The following WDPCP variants were observed in gnomAD, a reference collection of about 807,000 sequenced individuals.
WDPCP encodes the protein WD repeat-containing and planar cell polarity effector protein fritz homolog.
Under a neutral mutation model 93.1 loss-of-function variants are expected in WDPCP, and 71 were observed. That is an observed-to-expected ratio of 0.76 (90% CI 0.63 to 0.93). The LOEUF (loss-of-function observed/expected upper bound fraction) is 0.93. Ranked by LOEUF, WDPCP falls within the 40% of genes least tolerant of loss-of-function variation. WDPCP has a pLI of 0.00. For missense variants in WDPCP, 844 were observed against 887.4 expected (o/e 0.95, Z 0.62); for synonymous variants, 315 against 315.0 (o/e 1.00, Z 0.00).
intron 2 of WDPCP, among the ~76,000 whole-genome samples, chr2:63,809,787 G>A (rs1032674214): frequency 3.1e-4 from 47 of 151,964 alleles, no homozygotes; most frequent in Non-Finnish European, 1.5e-4. Flanking sequence ...AAGGCCGCAG[G>A]GTCCTCTGCC....
chr2:63,485,363 A>G lies in WDPCP; in HGVS notation c.254-376T>C, dbSNP rs556850939. The stretch of plus-strand genomic sequence containing the variant: ...TTCTACAAGTAACCTACTCAGACCT[A>G]AAAAAAAAAAAAAATTATCATGAGT... On this transcript the variant is annotated intron_variant, in intron 4 of 17. Transcript: ENST00000272321. 2.5e-3 allele frequency among the ~76,000 whole-genome samples: 220 copies of G among 87,436 alleles called. 2 individuals carry two copies. The East Asian group carries it at 0.039, about 15-fold the overall frequency. The allele number at this position is 87,436 out of a possible 152,430, so 57.4% of individuals were successfully genotyped here. A position where few individuals can be genotyped will look rare whatever the true frequency, so the allele number is the denominator to read the frequency against.
chr2:63,420,364 A>AAAAAAAAC (rs1304445488), intron 9 of WDPCP, among the ~76,000 whole-genome samples: 3,509 of 150,030 alleles, frequency 0.023, 171 homozygotes, highest in African/African-American at 0.082. Flanking sequence ...CTTTACTTAA[A>AAAAAAAAC]AAAAAAAAAA....
intron 14 of WDPCP, among the ~76,000 whole-genome samples, chr2:63,240,773 A>G (rs1258482053): frequency 6.6e-6 from 1 of 152,156 alleles, no homozygotes. Flanking sequence ...GAGGTTTGAG[A>G]CTTTCAACTC....
At chr2:63,513,288 C>A (rs1051226403) in intron 1 of WDPCP, among the ~76,000 whole-genome samples, 4 of 151,990 alleles carry the variant, frequency 2.6e-5, no homozygotes, top group Non-Finnish European at 5.9e-5. Flanking sequence ...ATATTTACAT[C>A]GTTAGAAAAA....
chr2:63,684,930 A>C (rs1668785482), intron 2 of WDPCP, among the ~76,000 whole-genome samples: 1 of 152,182 alleles, frequency 6.6e-6, no homozygotes, highest in South Asian at 2.1e-4. Flanking sequence ...AAAACAAGTG[A>C]AAATGGAAAT....
chr2:63,475,381 T>A (rs1485672135), intron 6 of WDPCP, among the ~76,000 whole-genome samples: 3 of 152,086 alleles, frequency 2.0e-5, no homozygotes, highest in Non-Finnish European at 2.9e-5. Context: ...CTTTATGAAA[T>A]CTTAACCAAC....
chr2:63,466,098 C>G (rs972518032), intron 6 of WDPCP, among the ~76,000 whole-genome samples: 11 of 152,032 alleles, frequency 7.2e-5, no homozygotes, highest in African/African-American at 2.7e-4. Context: ...AAAAATAGAC[C>G]AATTTATATG....
chr2:63,594,882 G>A, intron 3 of WDPCP: 1 of 298,978 alleles, frequency 3.3e-6, no homozygotes, highest in Non-Finnish European at 6.3e-6. Flanking sequence ...CAGTCATGTG[G>A]GAGAGAGTTA....
chr2:63,657,102 T>C (rs1575740212), intron 2 of WDPCP, among the ~76,000 whole-genome samples: 1 of 151,720 alleles, frequency 6.6e-6, no homozygotes, highest in East Asian at 1.9e-4. Context: ...AAGGGCCAGG[T>C]TGTGTGAGGC....
Position 63,575,351 on chromosome 2 carries a change from G to A in WDPCP, c.75+12846C>T, listed in dbSNP as rs1218598171. 7.4e-5 allele frequency among the ~76,000 whole-genome samples: 8 copies of A among 107,500 alleles called. No homozygotes were observed. In the East Asian group the frequency reaches 1.7e-3, roughly 23 times the overall value. The allele number at this position is 107,500 out of a possible 152,430, so 70.5% of individuals were successfully genotyped here. ...AGTATATATGGTATATACTGTATAT[G>A]GTATATACAGTATATACAGTATATA... On this transcript the variant is annotated intron_variant, in intron 1 of 17. Coordinates refer to ENST00000272321, the MANE Select transcript of WDPCP (RefSeq NM_015910.7).
In WDPCP at chr2:63,174,685, T is replaced by C. The variant is rs61734468; in HGVS notation, c.2063A>G (p.Asn688Ser). The stretch of plus-strand genomic sequence containing the variant: ...CATTTCTTACCTGTTAGAAGAGCCA[T>C]TCAGTATTCTTTGTTGTAAAATATG... ...HRHILQQRIL[N>S]GSSNRQIIDR... Residue 688 changes from asparagine (N) to serine (S), a missense_variant, in exon 15 of 18, where the codon AAT becomes AGT. Coordinates refer to ENST00000272321, the MANE Select transcript of WDPCP (RefSeq NM_015910.7). The C allele has an allele frequency of 0.013, 20,314 of 1,613,868 alleles. 159 individuals are homozygous for C. Among genetic ancestry groups the C allele is most frequent in the Non-Finnish European group, 0.015 (17,523 of 1,179,818 alleles).
chr2:63,571,344 GAGAAA>G (rs748046910), intron 1 of WDPCP: 1 of 448,536 alleles, frequency 2.2e-6, no homozygotes, highest in South Asian at 1.6e-5. Flanking sequence ...TTTTAATTGA[GAGAAA>G]TAAATATATT....
rs567048600 is a variant in WDPCP at position 63,279,872 on chromosome 2, A to C, written c.1813-20463T>G. ...ACCCCTTTTACAACAGCTGCAAAAA[A>C]AAGGAAAAGGAAAGAAAAAAAAGAA... is the stretch of plus-strand genomic sequence containing the variant. On this transcript the variant is annotated intron_variant, in intron 13 of 17. Transcript: ENST00000272321. Among the ~76,000 whole-genome samples, 9 of 152,314 alleles carry C rather than the reference A, an allele frequency of 5.9e-5. No homozygotes were observed. The East Asian group carries it at 1.7e-3, about 29-fold the overall frequency.
At chr2:63,162,449 AGTT>A (rs1672707279) in intron 15 of WDPCP, among the ~76,000 whole-genome samples, 1 of 151,988 alleles carries the variant, frequency 6.6e-6, no homozygotes. Context: ...CAAGATTTTT[AGTT>A]GTTTTGAAAT....
intron 1 of WDPCP, among the ~76,000 whole-genome samples, chr2:63,569,343 G>C (rs1447336867): frequency 6.6e-6 from 1 of 152,202 alleles, no homozygotes; most frequent in Non-Finnish European, 1.5e-5. Flanking sequence ...GGGATCTGTA[G>C]GTGATTCAAA....
At chr2:63,185,972 G>A (rs1247091680) in intron 14 of WDPCP, among the ~76,000 whole-genome samples, 2 of 152,126 alleles carry the variant, frequency 1.3e-5, no homozygotes, top group East Asian at 3.9e-4. Context: ...AGAGTTTAGG[G>A]AGCAGTCACC....
At chr2:63,452,527 T>C (rs1698327135) in intron 6 of WDPCP, among the ~76,000 whole-genome samples, 1 of 152,106 alleles carries the variant, frequency 6.6e-6, no homozygotes, top group Admixed American at 6.5e-5. Context: ...CCAGGGTAAT[T>C]TATAGATTCA....
At chr2:63,250,016 G>C (rs1033125639) in intron 14 of WDPCP, among the ~76,000 whole-genome samples, 14 of 152,114 alleles carry the variant, frequency 9.2e-5, no homozygotes, top group African/African-American at 3.4e-4. Flanking sequence ...ATAGATCTTA[G>C]CAAGCTCCGC....
chr2:63,470,925 C>T lies in WDPCP; in HGVS notation c.384+13679G>A, dbSNP rs535055330. 7.9e-5 allele frequency among the ~76,000 whole-genome samples: 12 copies of T among 152,252 alleles called. 1 individual carries two copies. In the South Asian group the frequency reaches 1.7e-3, roughly 21 times the overall value. On this transcript the variant is annotated intron_variant, in intron 6 of 17. Coordinates refer to ENST00000272321, the MANE Select transcript of WDPCP (RefSeq NM_015910.7). ...GTTCCCTCTACCTGGAACGCTCTTC[C>T]GCAGGTATCTTCCATGGTTTACTCC...
Sources: gnomAD v4.1 joint callset for allele counts (sites outside exome capture counted in the v4.1 genomes callset) on GRCh38, gnomAD v4.1.1 for gene constraint, MANE v1.5 for transcripts, NCBI Gene and HGNC (gene_info 2026-07-23, HGNC 2026-07-21) for gene names.